The following ANKRD13B variants were observed in gnomAD, a reference collection of about 807,000 sequenced individuals.
ANKRD13B encodes ankyrin repeat domain 13B.
In ANKRD13B, 33 loss-of-function variants were observed where a neutral mutation model predicts 74.4. The ratio of observed to expected loss-of-function variants is 0.44; its 90% CI spans 0.34 to 0.59. The LOEUF is 0.59. Ranked by LOEUF, ANKRD13B falls within the 20% of genes least tolerant of loss-of-function variation. The probability of loss-of-function intolerance (pLI) is 0.02; values close to 1 mark genes in which losing one functional copy is unlikely to be tolerated. For synonymous variants in ANKRD13B, 341 were observed against 362.9 expected (o/e 0.94, Z 0.68); for missense variants, 676 against 877.9 (o/e 0.77, Z 2.91).
chr17:29,604,134 T>C (rs1352767529), intron 1 of ANKRD13B, among the ~76,000 whole-genome samples: 1 of 152,194 alleles, frequency 6.6e-6, no homozygotes, highest in Non-Finnish European at 1.5e-5. Context: ...CATCTGGATT[T>C]GTTATTGTTC....
rs908823059 is a variant in ANKRD13B, at chr17:29,609,665, G to T, written c.822+244G>T. Among the ~76,000 whole-genome samples, 4 of 152,218 alleles carry T rather than the reference G, an allele frequency of 2.6e-5. No individual in the cohort carries two copies. The highest frequency in any genetic ancestry group is 9.6e-5 in the African/African-American group (4 of 41,456). On this transcript the variant is annotated intron_variant, in intron 7 of 14. Coordinates refer to ENST00000394859, the MANE Select transcript of ANKRD13B (RefSeq NM_152345.5). This position sits in a 1 kb window ranked among gnomAD's most constrained non-coding sequence, Gnocchi z 4.0. ...TTCCTCACAGCAACCCTTTCTGGTA[G>T]GTGCTGTTCTGTTAGTATTCCCATT...
At position 29,613,960 on chromosome 17, in the gene ANKRD13B, C is replaced by T. The variant is rs185362222; in HGVS notation, c.*378C>T. On this transcript the variant is annotated 3_prime_UTR_variant, in exon 15 of 15. Transcript: ENST00000394859. ...TCTGGCCGGTCCGCATTTCTGTTCACTAACCCCACTCCAGGACACTGCCCC... is the reference window on the plus strand; with the variant it reads ...TCTGGCCGGTCCGCATTTCTGTTCATTAACCCCACTCCAGGACACTGCCCC... 3.9e-4 allele frequency: 85 copies of T among 219,540 alleles called. No homozygotes were observed. The highest frequency in any genetic ancestry group is 1.2e-3 in the Middle Eastern group (2 of 1,728). The allele number at this position is 219,540 out of a possible 1,614,324, so 13.6% of individuals were successfully genotyped here.
At chr17:29,610,809 CG>C (rs2034555139) in intron 8 of ANKRD13B, 43 bp downstream of exon 8, 1 of 1,581,968 alleles carries the variant, frequency 6.3e-7, no homozygotes, top group African/African-American at 1.3e-5. Flanking sequence ...TGCAGGACTG[CG>C]GGAACCAGCT....
rs199786495 is a variant in ANKRD13B at position 29,593,671 on chromosome 17, C to G, written c.50C>G (p.Pro17Arg). The G allele has an allele frequency of 9.7e-6, 14 of 1,441,032 alleles. No individual in the cohort carries two copies. The highest frequency in any genetic ancestry group is 1.9e-4 in the Middle Eastern group (1 of 5,258). 89.3% of individuals were successfully genotyped at this position (1,441,032 alleles called of 1,614,324 possible). ...AGGAAGGGGCCCGAGGGCAAGTATC[C>G]GCTGCACTACCTCGTGTGGCACAAC... Reference protein sequence around the residue: ...SARKGPEGKYPLHYLVWHNRH... With the variant: ...SARKGPEGKYRLHYLVWHNRH... Residue 17 changes from proline (P) to arginine (R), a missense_variant, in exon 1 of 15, where the codon CCG becomes CGG. Physicochemically the swap from Pro to Arg is moderately radical, Grantham distance 103 (BLOSUM62 -2). Around this residue, in one of 4 missense-constraint regions of ANKRD13B, gnomAD observed 88 missense variants for 87.8 expected, o/e 1.00. Transcript: ENST00000394859.
rs2034714564 is a variant in ANKRD13B at position 29,614,090 on chromosome 17, G to GCCCCTCCCCCAC, written c.*512_*523dup. ...CACAAACCAGCACGTCTAGGGCCCA[G>GCCCCTCCCCCAC]CCCCTCCCCCACCCCGGCATTTCAG... On this transcript the variant is annotated 3_prime_UTR_variant, in exon 15 of 15. Transcript: ENST00000394859. The GCCCCTCCCCCAC allele has an allele frequency of 6.5e-6, 1 of 153,528 alleles. No homozygotes were observed. The highest frequency in any genetic ancestry group is 6.5e-5 in the Admixed American group (1 of 15,290). 9.5% of individuals were successfully genotyped at this position (153,528 alleles called of 1,614,324 possible).
In ANKRD13B at chr17:29,607,895, C is replaced by T. The variant is rs1283743989; in HGVS notation, c.250+18C>T. On this transcript the variant is annotated intron_variant, in intron 2 of 14. Coordinates refer to ENST00000394859, the MANE Select transcript of ANKRD13B (RefSeq NM_152345.5). The stretch of plus-strand genomic sequence containing the variant: ...CTGGACAGGTGGGCAGCCCTGCTCA[C>T]CCCAGCCCCACAGCCGGGGCCTCCC... 15 of 1,585,464 alleles carry T rather than the reference C, an allele frequency of 9.5e-6. No individual in the cohort carries two copies. Among genetic ancestry groups the T allele is most frequent in the Admixed American group, 5.2e-5 (3 of 57,626 alleles).
At chr17:29,603,080 A>T (rs1315157260) in intron 1 of ANKRD13B, among the ~76,000 whole-genome samples, 1 of 152,162 alleles carries the variant, frequency 6.6e-6, no homozygotes, top group Non-Finnish European at 1.5e-5. Context: ...CAAACTCCTG[A>T]TGTTGTGATC....
chr17:29,612,454 CG>C lies in ANKRD13B; in HGVS notation c.1313del (p.Gly438AlafsTer54). On this transcript the variant is annotated frameshift_variant, in exon 12 of 15. Transcript: ENST00000394859. LOFTEE classifies it high-confidence loss of function. This position sits in a 1 kb window ranked among gnomAD's most constrained non-coding sequence, Gnocchi z 6.1. The stretch of plus-strand genomic sequence containing the variant: ...CCCGCATCACCTTCGGGAACCTCAA[CG>C]GCTGCGACGAACCGGTGCCATCGGT... ...NARITFGNLNGCDEPVPSVRG... is the reference protein window; with the variant it reads ...NARITFGNLNXCDEPVPSVRG... 6.2e-7 allele frequency: 1 copy of C among 1,606,876 alleles called. No individual in the cohort carries two copies. The highest frequency in any genetic ancestry group is 1.1e-5 in the South Asian group (1 of 89,926).
intron 1 of ANKRD13B, among the ~76,000 whole-genome samples, chr17:29,605,242 C>G (rs1181433936): frequency 6.6e-6 from 1 of 152,054 alleles, no homozygotes; most frequent in African/African-American, 2.4e-5. Context: ...CTCGGGCTTC[C>G]CCTCCTTGAA....
chr17:29,612,931 C>G lies in ANKRD13B; in HGVS notation c.1620C>G (p.His540Gln). 3 of 1,598,296 alleles carry G rather than the reference C, an allele frequency of 1.9e-6. No individual in the cohort carries two copies. The highest frequency in any genetic ancestry group is 2.2e-5 in the South Asian group (2 of 91,060). The change falls in exon 14 of 15, where the codon CAC (histidine) becomes CAG (glutamine). Residue 540 changes from histidine to glutamine, a missense_variant. Physicochemically the swap from His to Gln is conservative, Grantham distance 24. Coordinates refer to ENST00000394859, the MANE Select transcript of ANKRD13B (RefSeq NM_152345.5). The surrounding 1 kb of genome is among the most constrained non-coding windows in gnomAD (Gnocchi z 6.1). ...EALTNSKPGT[H>Q]PMSYEGRRQD... ...TAACCAACAGCAAGCCAGGCACCCA[C>G]CCCATGTCCTACGAGGGTCGCCGAC...
In ANKRD13B at chr17:29,599,977, C is replaced by T. The variant is rs145777071; in HGVS notation, c.114+6242C>T. Among the ~76,000 whole-genome samples the T allele has an allele frequency of 1.4e-3, 205 of 146,286 alleles. 5 individuals carry two copies. The East Asian group carries it at 0.038, about 27-fold the overall frequency. ...CTGCAAGCTCCGCCTCCCGGGTTCACACCATTCTCCTGCCTCAGCCTCCCG... is the reference window on the plus strand; with the variant it reads ...CTGCAAGCTCCGCCTCCCGGGTTCATACCATTCTCCTGCCTCAGCCTCCCG... On this transcript the variant is annotated intron_variant, in intron 1 of 14. Coordinates refer to ENST00000394859, the MANE Select transcript of ANKRD13B (RefSeq NM_152345.5).
At chr17:29,610,610 T>C in intron 7 of ANKRD13B, 75 bp from the exon 8 acceptor site, 1 of 1,389,808 alleles carries the variant, frequency 7.2e-7, no homozygotes, top group Non-Finnish European at 1.0e-6. Flanking sequence ...ACAGGGAGTG[T>C]TCCCAGTGCC....
chr17:29,598,339 G>A (rs2034032469), intron 1 of ANKRD13B, among the ~76,000 whole-genome samples: 1 of 152,126 alleles, frequency 6.6e-6, no homozygotes, highest in Non-Finnish European at 1.5e-5. Context: ...TCATGGTCAT[G>A]CTTTAAAATA....
Position 29,608,803 on chromosome 17 carries a change from G to C in ANKRD13B, c.422-48G>C. On this transcript the variant is annotated intron_variant, in intron 4 of 14. Coordinates refer to ENST00000394859, the MANE Select transcript of ANKRD13B (RefSeq NM_152345.5). The surrounding 1 kb of genome is among the most constrained non-coding windows in gnomAD (Gnocchi z 6.4). ...CCCATGCCCTGAGCTGGTCCAGGCC[G>C]TGTAGGCCAGACCAGTCAAAGCCAC... 6.2e-7 allele frequency: 1 copy of C among 1,611,380 alleles called. No individual in the cohort carries two copies. Among genetic ancestry groups the C allele is most frequent in the Non-Finnish European group, 8.5e-7 (1 of 1,178,528 alleles).
chr17:29,610,175 G>C (rs1184982337), intron 7 of ANKRD13B, among the ~76,000 whole-genome samples: 1 of 145,786 alleles, frequency 6.9e-6, no homozygotes, highest in Non-Finnish European at 1.5e-5. Flanking sequence ...CTGGGCAACA[G>C]AGCGAGACTC....
Position 29,613,520 on chromosome 17 carries a change from C to T in ANKRD13B, c.1819C>T (p.Arg607Cys), listed in dbSNP as rs1272153685. 5.2e-6 allele frequency: 8 copies of T among 1,524,148 alleles called. No individual in the cohort carries two copies. The highest frequency in any genetic ancestry group is 6.1e-6 in the Non-Finnish European group (7 of 1,138,824). 94.4% of individuals were successfully genotyped at this position (1,524,148 alleles called of 1,614,324 possible). ...GCAGGAGCAGGAGGAGAGGCGGCGGCGCGCGCGCCAGGAGGAGGAGGAGCT... is the reference window on the plus strand; with the variant it reads ...GCAGGAGCAGGAGGAGAGGCGGCGGTGCGCGCGCCAGGAGGAGGAGGAGCT... ...SAQEQEERRR[R>C]ARQEEEELER... Residue 607 changes from arginine to cysteine, a missense_variant, in exon 15 of 15, where the codon CGC (arginine) becomes TGC (cysteine). Around this residue, in one of 4 missense-constraint regions of ANKRD13B, gnomAD observed 108 missense variants for 90.3 expected, o/e 1.20. Transcript: ENST00000394859.
In ANKRD13B at chr17:29,608,264, T is replaced by C. The variant is rs1204987162; in HGVS notation, c.421+24T>C. On this transcript the variant is annotated intron_variant, in intron 4 of 14. Coordinates refer to ENST00000394859, the MANE Select transcript of ANKRD13B (RefSeq NM_152345.5). The surrounding 1 kb of genome is among the most constrained non-coding windows in gnomAD (Gnocchi z 6.4). ...GGGTAAGCGGGCTGCAGCAGGTCGC[T>C]TCTGGGCTCTCCCACTTTAGGTCCT... 1.2e-6 allele frequency: 2 copies of C among 1,613,948 alleles called. No homozygotes were observed. Among genetic ancestry groups the C allele is most frequent in the African/African-American group, 1.3e-5 (1 of 75,030 alleles).
intron 1 of ANKRD13B, among the ~76,000 whole-genome samples, chr17:29,603,380 A>G (rs2034250833): frequency 6.6e-6 from 1 of 152,188 alleles, no homozygotes; most frequent in Non-Finnish European, 1.5e-5. Flanking sequence ...AGCTGGGACT[A>G]CAGCTGCTTG....
Position 29,613,569 on chromosome 17 carries a change from T to C in ANKRD13B, c.1868T>C (p.Leu623Pro). The change falls in exon 15 of 15, where the codon CTG becomes CCG. Residue 623 changes from leucine (L) to proline (P), a missense_variant. Around this residue, in one of 4 missense-constraint regions of ANKRD13B, gnomAD observed 108 missense variants for 90.3 expected, o/e 1.20. Coordinates refer to ENST00000394859, the MANE Select transcript of ANKRD13B (RefSeq NM_152345.5). ...CTGGAGCGCATCCTGAGGCTCTCAC[T>C]GACCGAGCAGTAGCGCCCCCTGCCG... Reference protein sequence around the residue: ...EELERILRLSLTEQ With the variant: ...EELERILRLSPTEQ 1 of 1,477,246 alleles carries C rather than the reference T, an allele frequency of 6.8e-7. No homozygotes were observed. Among genetic ancestry groups the C allele is most frequent in the East Asian group, 2.9e-5 (1 of 33,904 alleles). The allele number at this position is 1,477,246 out of a possible 1,614,324, so 91.5% of individuals were successfully genotyped here.
Sources: gnomAD v4.1 joint callset for allele counts (sites outside exome capture counted in the v4.1 genomes callset) on GRCh38, gnomAD v4.1.1 for gene constraint, gnomAD v4.1.1 regional missense constraint, Gnocchi (gnomAD v3.1) non-coding constraint, MANE v1.5 for transcripts, NCBI Gene and HGNC (gene_info 2026-07-23, HGNC 2026-07-21) for gene names.